ADGRA2: variants seen among roughly 807,000 people sequenced by gnomAD.
ADGRA2 encodes G-protein coupled receptor 124.
ADGRA2 carries 61 observed loss-of-function variants against 98.7 expected under a neutral mutation model. The ratio of observed to expected loss-of-function variants is 0.62; its 90% CI spans 0.50 to 0.76. ADGRA2 has a LOEUF of 0.76. Ranked by LOEUF, ADGRA2 falls within the 30% of genes least tolerant of loss-of-function variation. The pLI is 0.00. For synonymous variants in ADGRA2, 858 were observed against 831.5 expected (o/e 1.03, Z -0.55); for missense variants, 1,712 against 1,860.0 (o/e 0.92, Z 1.46).
At chr8:37,839,779 T>C (rs1166001715) in intron 16 of ADGRA2, among the ~76,000 whole-genome samples, 157 bp downstream of exon 16, 8 of 151,700 alleles carry the variant, frequency 5.3e-5, no homozygotes, top group African/African-American at 1.9e-4. Context: ...GGATGGTGGG[T>C]CGTGGAGAGT....
chr8:37,835,726 G>T lies in ADGRA2; in HGVS notation c.2006G>T (p.Gly669Val). Residue 669 changes from glycine (G) to valine (V), a missense_variant, in exon 13 of 19, where the codon GGC becomes GTC. By Grantham distance (109) the Gly-to-Val change is moderately radical (BLOSUM62 -3). Transcript: ENST00000412232. ...NTSRPGAAGP[G>V]KRRGVATPVI... is the part of the protein sequence containing the mutation. The stretch of plus-strand genomic sequence containing the variant: ...TCCCGCCCTGGAGCTGCTGGGCCTG[G>T]CAAGAGGCGTGGCGTGGCCACCCCC... 1 of 1,613,792 alleles carries T rather than the reference G, an allele frequency of 6.2e-7. No homozygotes were observed. Among genetic ancestry groups the T allele is most frequent in the Non-Finnish European group, 8.5e-7 (1 of 1,179,898 alleles).
rs1308643801 is a variant in ADGRA2 at position 37,830,822 on chromosome 8, C to T, written c.831C>T (p.Thr277=). 1 of 1,590,906 alleles carries T rather than the reference C, an allele frequency of 6.3e-7. No homozygotes were observed. The highest frequency in any genetic ancestry group is 8.6e-7 in the Non-Finnish European group (1 of 1,169,258). ...QCSASYLGND[T]RIRWYHNRAP... is the part of the protein sequence containing the mutation. ...CTGCCAGCTACCTGGGCAACGACAC[C>T]CGCATCCGCTGGTACCACAACCGAG... is the stretch of plus-strand genomic sequence containing the variant. Residue 277 remains threonine (T), a synonymous_variant, in exon 7 of 19, where the codon ACC becomes ACT. Coordinates refer to ENST00000412232, the MANE Select transcript of ADGRA2 (RefSeq NM_032777.10). This position sits in a 1 kb window ranked among gnomAD's most constrained non-coding sequence, Gnocchi z 4.8.
At position 37,840,172 on chromosome 8, in the gene ADGRA2, G is replaced by C; in HGVS notation, c.2563G>C (p.Val855Leu). Residue 855 changes from valine to leucine, a missense_variant, in exon 17 of 19, where the codon GTG (valine) becomes CTG (leucine). By Grantham distance (32) the Val-to-Leu change is conservative (BLOSUM62 1). Transcript: ENST00000412232. ...SSLSTLLWMG[V>L]KARVLHKELT... ...CCTATCCACGCTGCTCTGGATGGGCGTGAAGGCGCGAGTGCTCCATAAGGA... is the reference window on the plus strand; with the variant it reads ...CCTATCCACGCTGCTCTGGATGGGCCTGAAGGCGCGAGTGCTCCATAAGGA... 6.2e-7 allele frequency: 1 copy of C among 1,611,252 alleles called. No homozygotes were observed. Among genetic ancestry groups the C allele is most frequent in the Non-Finnish European group, 8.5e-7 (1 of 1,179,788 alleles).
chr8:37,810,617 C>T (rs1804801778), intron 1 of ADGRA2, among the ~76,000 whole-genome samples: 1 of 152,134 alleles, frequency 6.6e-6, no homozygotes, highest in Non-Finnish European at 1.5e-5. Context: ...CTTGCCTCGT[C>T]CTCCCAAGTA....
At chr8:37,799,034 G>A (rs1804421906) in intron 1 of ADGRA2, among the ~76,000 whole-genome samples, 1 of 152,204 alleles carries the variant, frequency 6.6e-6, no homozygotes, top group African/African-American at 2.4e-5. Flanking sequence ...AAAAATGCTT[G>A]CTCTGCGGAA....
chr8:37,800,198 G>T (rs1804460291), intron 1 of ADGRA2, among the ~76,000 whole-genome samples: 1 of 152,208 alleles, frequency 6.6e-6, no homozygotes, highest in Admixed American at 6.5e-5. Flanking sequence ...ACGTATTACT[G>T]TTACGCACAC....
intron 1 of ADGRA2, among the ~76,000 whole-genome samples, chr8:37,812,190 T>C (rs572415934): frequency 6.0e-5 from 9 of 150,914 alleles, no homozygotes; most frequent in South Asian, 4.2e-4. Flanking sequence ...TTGTTGTTGT[T>C]GTCAGCTCTC....
intron 8 of ADGRA2, among the ~76,000 whole-genome samples, chr8:37,832,648 T>C (rs879468948): frequency 1.3e-5 from 2 of 151,982 alleles, no homozygotes; most frequent in Non-Finnish European, 2.9e-5. Context: ...CCACAAAGAG[T>C]ATCACCTTTT....
At position 37,840,399 on chromosome 8, in the gene ADGRA2, C is replaced by G. The variant is rs1805755037; in HGVS notation, c.2657+133C>G. The G allele has an allele frequency of 3.2e-6, 3 of 937,052 alleles. No homozygotes were observed. In the African/African-American group the frequency reaches 4.8e-5, roughly 15 times the overall value. The allele number at this position is 937,052 out of a possible 1,614,324, so 58.0% of individuals were successfully genotyped here. On this transcript the variant is annotated intron_variant, in intron 17 of 18. Coordinates refer to ENST00000412232, the MANE Select transcript of ADGRA2 (RefSeq NM_032777.10). The stretch of plus-strand genomic sequence containing the variant: ...TCTCCAAAGACGGGGGAGGCTAGGC[C>G]CTAGACTCAGCAGGTCACACAAGAC...
chr8:37,809,847 C>T (rs986548201), intron 1 of ADGRA2, among the ~76,000 whole-genome samples: 110 of 152,106 alleles, frequency 7.2e-4, no homozygotes, highest in Non-Finnish European at 2.6e-4. Flanking sequence ...AGGCCGAGAC[C>T]GGGACTGCAT....
chr8:37,824,877 T>C lies in ADGRA2; in HGVS notation c.339-4011T>C, dbSNP rs547841818. ...CTATTTCACCCCGTTTTGCTTTTTC[T>C]GAACTTTTATTCATCCGTTACTCCC... On this transcript the variant is annotated intron_variant, in intron 2 of 18. Transcript: ENST00000412232. Among the ~76,000 whole-genome samples the C allele has an allele frequency of 9.8e-5, 15 of 152,344 alleles. No homozygotes were observed. The South Asian group carries it at 2.9e-3, about 29-fold the overall frequency.
chr8:37,808,772 T>C (rs1804747555), intron 1 of ADGRA2, among the ~76,000 whole-genome samples: 2 of 152,156 alleles, frequency 1.3e-5, no homozygotes, highest in South Asian at 4.1e-4. Flanking sequence ...GGTAACATAG[T>C]GAGATCCTCA....
rs1318198369 is a variant in ADGRA2, at chr8:37,835,592, T to A, written c.1872T>A (p.Ser624Arg). The change falls in exon 13 of 19, where the codon AGT becomes AGA. Residue 624 changes from serine (S) to arginine (R), a missense_variant. Coordinates refer to ENST00000412232, the MANE Select transcript of ADGRA2 (RefSeq NM_032777.10). ...VALASIQLPP[S>R]LFSSLPAALA... is the part of the protein sequence containing the mutation. ...TGGCCTCCATCCAGCTGCCCCCGAG[T>A]CTATTCTCATCCCTTCCGGCTGCCC... The A allele has an allele frequency of 6.8e-6, 11 of 1,613,410 alleles. No homozygotes were observed. Among genetic ancestry groups the A allele is most frequent in the Non-Finnish European group, 8.5e-6 (10 of 1,179,658 alleles).
intron 2 of ADGRA2, among the ~76,000 whole-genome samples, chr8:37,827,930 T>C (rs1805326590): frequency 6.6e-6 from 1 of 152,034 alleles, no homozygotes; most frequent in Non-Finnish European, 1.5e-5. Flanking sequence ...GCCCAGGAGT[T>C]CAAGACCAGC....
intron 1 of ADGRA2, among the ~76,000 whole-genome samples, chr8:37,806,293 CAATGAATG>C (rs1032600128): frequency 6.6e-6 from 1 of 152,044 alleles, no homozygotes; most frequent in African/African-American, 2.4e-5. Flanking sequence ...TAGCTCTGAG[CAATGAATG>C]AATGAATGGA....
chr8:37,820,321 TC>T (rs1281697509), intron 2 of ADGRA2, among the ~76,000 whole-genome samples: 1 of 152,018 alleles, frequency 6.6e-6, no homozygotes, highest in African/African-American at 2.4e-5. Flanking sequence ...ACAACCACTA[TC>T]CCCCCAGAAG....
At chr8:37,838,308 G>T (rs1324088537) in intron 14 of ADGRA2, among the ~76,000 whole-genome samples, 7 of 147,912 alleles carry the variant, frequency 4.7e-5, no homozygotes, top group Non-Finnish European at 1.0e-4. Context: ...CTGGAGTGCA[G>T]TGGCATGATC....
At chr8:37,826,211 C>T (rs1805276052) in intron 2 of ADGRA2, among the ~76,000 whole-genome samples, 2 of 152,184 alleles carry the variant, frequency 1.3e-5, no homozygotes, top group South Asian at 4.1e-4. Context: ...TCCCTCTGCC[C>T]GTCCCCCACG....
intron 1 of ADGRA2, among the ~76,000 whole-genome samples, chr8:37,807,508 T>C (rs1804710425): frequency 6.6e-6 from 1 of 152,232 alleles, no homozygotes; most frequent in African/African-American, 2.4e-5. Flanking sequence ...CTTTGCAGCA[T>C]CTATATTTTA....
Sources: gnomAD v4.1 joint callset for allele counts (sites outside exome capture counted in the v4.1 genomes callset) on GRCh38, gnomAD v4.1.1 for gene constraint, Gnocchi (gnomAD v3.1) non-coding constraint, MANE v1.5 for transcripts, NCBI Gene and HGNC (gene_info 2026-07-23, HGNC 2026-07-21) for gene names.